Variants in SCEL observed in about 807,000 individuals in gnomAD.
SCEL encodes sciellin.
Under a neutral mutation model 117.6 loss-of-function variants are expected in SCEL, and 113 were observed. That is an observed-to-expected ratio of 0.96 (90% CI 0.83 to 1.12). The LOEUF (loss-of-function observed/expected upper bound fraction) is 1.12, where lower values mean the gene tolerates loss of function less well. Among genes scored for constraint, SCEL ranks in the 50% most tolerant of loss-of-function variants. SCEL has a pLI of 0.00. For synonymous variants in SCEL, 270 were observed against 256.2 expected, an observed-to-expected ratio of 1.05 and a Z score of -0.51; for missense variants, 785 against 810.8, an observed-to-expected ratio of 0.97 and a Z score of 0.39.
At chr13:77,618,178 C>T (rs2089202850) in intron 27 of SCEL, 118 bp downstream of exon 27, 5 of 789,234 alleles carry the variant, frequency 6.3e-6, no homozygotes, top group Non-Finnish European at 1.1e-5. Flanking sequence ...CCCTTCCTCC[C>T]TTTTTTCTTT....
intron 9 of SCEL, among the ~76,000 whole-genome samples, chr13:77,573,904 A>G (rs1273040662): frequency 6.6e-6 from 1 of 152,190 alleles, no homozygotes. Flanking sequence ...TCAGGCTGTT[A>G]TTAGATACTT....
At chr13:77,590,482 A>G (rs2086805480) in intron 10 of SCEL, among the ~76,000 whole-genome samples, 1 of 152,078 alleles carries the variant, frequency 6.6e-6, no homozygotes, top group Non-Finnish European at 1.5e-5. Flanking sequence ...TGAGCAATTA[A>G]ATCCCAATTT....
chr13:77,603,194 A>C, intron 18 of SCEL, 59 bp downstream of exon 18: 1 of 1,137,346 alleles, frequency 8.8e-7, no homozygotes, highest in Non-Finnish European at 1.3e-6. Flanking sequence ...AGAAGATAAA[A>C]TAATTTGGCT....
chr13:77,600,264 G>C (rs568836621), intron 15 of SCEL, among the ~76,000 whole-genome samples: 1 of 152,062 alleles, frequency 6.6e-6, no homozygotes. Flanking sequence ...GAGTAGCTGG[G>C]ATTTCAAGTG....
At chr13:77,568,546 A>C (rs187991578) in intron 7 of SCEL, among the ~76,000 whole-genome samples, 15 of 152,190 alleles carry the variant, frequency 9.9e-5, no homozygotes, top group Admixed American at 7.9e-4. Context: ...TCATTACTCT[A>C]TCCAAACACC....
intron 26 of SCEL, 52 bp downstream of exon 26, chr13:77,617,914 G>T (rs2089174165): frequency 6.3e-7 from 1 of 1,574,988 alleles, no homozygotes; most frequent in Non-Finnish European, 8.7e-7. Flanking sequence ...TGCCCTGGAT[G>T]AAGTGGATTT....
At chr13:77,602,593 A>G (rs1334391531) in intron 16 of SCEL, 61 bp from the exon 17 acceptor site, 1 of 1,414,932 alleles carries the variant, frequency 7.1e-7, no homozygotes, top group Admixed American at 1.7e-5. Flanking sequence ...TCTTGATTAT[A>G]CAGATTTCAG....
chr13:77,611,337 A>G (rs2088631485), intron 22 of SCEL, among the ~76,000 whole-genome samples: 2 of 152,340 alleles, frequency 1.3e-5, no homozygotes, highest in Middle Eastern at 3.4e-3. Flanking sequence ...TAGACTACAC[A>G]GTATTTTATT....
At chr13:77,588,614 T>G (rs567203101) in intron 9 of SCEL, among the ~76,000 whole-genome samples, 1 of 152,288 alleles carries the variant, frequency 6.6e-6, no homozygotes, top group Non-Finnish European at 1.5e-5. Flanking sequence ...GACGGTAGAT[T>G]GTATATATGC....
intron 1 of SCEL, 38 bp from the exon 2 acceptor site, chr13:77,555,818 TC>T: frequency 1.5e-6 from 2 of 1,323,874 alleles, no homozygotes; most frequent in Non-Finnish European, 2.2e-6. Flanking sequence ...GTTCTCAGAG[TC>T]ATTGATGTGC....
intron 13 of SCEL, among the ~76,000 whole-genome samples, chr13:77,597,937 T>G (rs1338205466): frequency 6.6e-6 from 1 of 151,684 alleles, no homozygotes; most frequent in Admixed American, 6.5e-5. Flanking sequence ...CAAAAAACAT[T>G]TTATTATCAT....
chr13:77,555,728 A>G (rs781075136), intron 1 of SCEL, 129 bp from the exon 2 acceptor site: 24 of 617,518 alleles, frequency 3.9e-5, no homozygotes, highest in Admixed American at 3.1e-4. Context: ...ACTTTATGTC[A>G]TGCATTTGTT....
intron 1 of SCEL, among the ~76,000 whole-genome samples, chr13:77,549,701 T>A (rs1295704830): frequency 6.6e-6 from 1 of 152,230 alleles, no homozygotes; most frequent in Non-Finnish European, 1.5e-5. Context: ...AGCCTAGGCC[T>A]GCTTGTCTTT....
chr13:77,578,712 G>T (rs955291011), intron 9 of SCEL, among the ~76,000 whole-genome samples: 2 of 152,162 alleles, frequency 1.3e-5, no homozygotes, highest in African/African-American at 2.4e-5. Context: ...AATCAATGTG[G>T]GAAGAAATAG....
Position 77,610,043 on chromosome 13 carries a change from T to TA in SCEL, c.1278-2dup. 1 of 1,605,898 alleles carries TA rather than the reference T, an allele frequency of 6.2e-7. No individual in the cohort carries two copies. Among genetic ancestry groups the TA allele is most frequent in the Non-Finnish European group, 8.5e-7 (1 of 1,175,216 alleles). On this transcript the variant is annotated splice_polypyrimidine_tract_variant and splice_region_variant and intron_variant, in intron 21 of 32. Transcript: ENST00000349847. ...CCACTGATCTGATTTTCTATGTTTT[T>TA]AAGGGGCCAAAGTCTCGACAGCCTC...
At position 77,540,992 on chromosome 13, in the gene SCEL, G is replaced by A. The variant is rs749253281; in HGVS notation, c.-20+5168G>A. ...GAGATGTTGAATTATAGGACTTGAC[G>A]ATTGCTTGGATTTCAAGGTCAGAAA... On this transcript the variant is annotated intron_variant, in intron 1 of 32. Transcript: ENST00000349847. Among the ~76,000 whole-genome samples the A allele has an allele frequency of 8.8e-4, 134 of 152,298 alleles. 1 individual carries two copies. The highest frequency in any genetic ancestry group is 1.6e-3 in the Non-Finnish European group (107 of 68,016).
chr13:77,594,725 T>C (rs1478059527), intron 12 of SCEL, among the ~76,000 whole-genome samples: 1 of 152,238 alleles, frequency 6.6e-6, no homozygotes, highest in East Asian at 1.9e-4. Flanking sequence ...CAGTGTTTAA[T>C]AGATTATGGT....
chr13:77,559,970 C>A, intron 4 of SCEL, 107 bp downstream of exon 4: 1 of 942,206 alleles, frequency 1.1e-6, no homozygotes, highest in Non-Finnish European at 1.7e-6. Context: ...TTGGGCTTTC[C>A]CCGATGTTCT....
intron 28 of SCEL, 121 bp from the exon 29 acceptor site, chr13:77,634,258 A>G: frequency 1.2e-6 from 1 of 862,778 alleles, no homozygotes. Flanking sequence ...TTCATGTTTC[A>G]AAGTTATAGT....
Sources: allele counts gnomAD v4.1 joint callset (sites outside exome capture counted in the v4.1 genomes callset), GRCh38; gene constraint gnomAD v4.1.1; transcripts MANE v1.5; gene names NCBI Gene and HGNC (gene_info 2026-07-23, HGNC 2026-07-21).